Variants in RAP2A observed in about 807,000 individuals in gnomAD.
RAP2A encodes ras-related protein Rap-2a.
A neutral mutation model predicts 15.1 loss-of-function variants in RAP2A; 5 were observed. That is an observed-to-expected ratio of 0.33 (90% CI 0.17 to 0.70). The LOEUF (loss-of-function observed/expected upper bound fraction) is 0.70. Ranked by LOEUF, RAP2A falls within the 30% of genes least tolerant of loss-of-function variation. RAP2A has a pLI of 0.68. For missense variants in RAP2A, 111 were observed against 240.3 expected (o/e 0.46, Z 3.56); for synonymous variants, 110 against 99.7 (o/e 1.10, Z -0.62).
chr13:97,441,771 T>C (rs2066658632), intron 1 of RAP2A: 3 of 451,656 alleles, frequency 6.6e-6, no homozygotes, highest in African/African-American at 2.0e-5. Flanking sequence ...TTTTCAGGCC[T>C]ATGTTGTAAA....
chr13:97,456,401 G>A (rs529647545), intron 1 of RAP2A, among the ~76,000 whole-genome samples: 1 of 152,120 alleles, frequency 6.6e-6, no homozygotes, highest in African/African-American at 2.4e-5. Context: ...TGTTTTTTGT[G>A]TTTTGTCCTG....
chr13:97,461,488 G>T (rs976532100), intron 1 of RAP2A, among the ~76,000 whole-genome samples: 1 of 152,166 alleles, frequency 6.6e-6, no homozygotes, highest in Non-Finnish European at 1.5e-5. Flanking sequence ...ATGTGGAACT[G>T]TGTTTGCAAT....
chr13:97,460,364 G>T (rs2066741031), intron 1 of RAP2A, among the ~76,000 whole-genome samples: 1 of 152,174 alleles, frequency 6.6e-6, no homozygotes, highest in Non-Finnish European at 1.5e-5. Flanking sequence ...TGTCTGTTGT[G>T]ATTTTTAACT....
At chr13:97,460,038 C>T (rs773161297) in intron 1 of RAP2A, among the ~76,000 whole-genome samples, 3 of 152,188 alleles carry the variant, frequency 2.0e-5, no homozygotes, top group Non-Finnish European at 4.4e-5. Context: ...TAGTTAAAAC[C>T]ATCCCAAATA....
chr13:97,445,920 A>G lies in RAP2A; in HGVS notation c.314+11136A>G, dbSNP rs2066677557. Among the ~76,000 whole-genome samples, 4 of 152,358 alleles carry G rather than the reference A, an allele frequency of 2.6e-5. No homozygotes were observed. In the South Asian group the frequency reaches 8.3e-4, roughly 32 times the overall value. The stretch of plus-strand genomic sequence containing the variant: ...TTCCTAAGGCCACCCTGAGCACATC[A>G]TCTGGTTTTATTGAAGGAAATACTT... On this transcript the variant is annotated intron_variant, in intron 1 of 1. Transcript: ENST00000245304.
chr13:97,465,197 C>T lies in RAP2A; in HGVS notation c.*755C>T, dbSNP rs574516483. ...ATCAGAATTAAAACCCCAAACCCGC[C>T]CTCTGTTAGGGGTGGTCTTTATAAC... On this transcript the variant is annotated 3_prime_UTR_variant, in exon 2 of 2. Coordinates refer to ENST00000245304, the MANE Select transcript of RAP2A (RefSeq NM_021033.7). 6.6e-6 allele frequency: 1 copy of T among 152,490 alleles called. No homozygotes were observed. Among genetic ancestry groups the T allele is most frequent in the Non-Finnish European group, 1.5e-5 (1 of 68,034 alleles). 9.4% of individuals were successfully genotyped at this position (152,490 alleles called of 1,614,324 possible). A position where few individuals can be genotyped will look rare whatever the true frequency, so the allele number is the denominator to read the frequency against.
intron 1 of RAP2A, among the ~76,000 whole-genome samples, chr13:97,452,466 C>T (rs2066705739): frequency 1.3e-5 from 2 of 151,326 alleles, no homozygotes; most frequent in African/African-American, 4.9e-5. Flanking sequence ...GCTATTTTCT[C>T]TTTTGCATTT....
intron 1 of RAP2A, among the ~76,000 whole-genome samples, chr13:97,447,993 C>CT (rs1415899326): frequency 7.5e-6 from 1 of 132,846 alleles, no homozygotes; most frequent in Non-Finnish European, 1.6e-5. Context: ...TTTCTTTTTT[C>CT]TTTTTTTATT....
intron 1 of RAP2A, chr13:97,437,255 G>C (rs2066638003): frequency 6.6e-6 from 1 of 152,054 alleles, no homozygotes; most frequent in African/African-American, 2.4e-5. Context: ...TGTCTTCAAA[G>C]TTTGGTATGT....
intron 1 of RAP2A, among the ~76,000 whole-genome samples, chr13:97,445,786 TTG>T (rs2066677106): frequency 6.6e-6 from 1 of 152,194 alleles, no homozygotes; most frequent in Admixed American, 6.5e-5. Flanking sequence ...AGCCAGGATG[TTG>T]TATGTTTACC....
At chr13:97,439,223 A>C (rs1244044454) in intron 1 of RAP2A, among the ~76,000 whole-genome samples, 1 of 152,210 alleles carries the variant, frequency 6.6e-6, no homozygotes, top group Admixed American at 6.5e-5. Flanking sequence ...TTAGGAGTTG[A>C]TCATGTAGTC....
intron 1 of RAP2A, among the ~76,000 whole-genome samples, chr13:97,438,583 T>G (rs574154570): frequency 6.6e-6 from 1 of 152,156 alleles, no homozygotes; most frequent in Admixed American, 6.5e-5. Flanking sequence ...AATGGAACAC[T>G]AGGCATAGAT....
In RAP2A at chr13:97,434,409, C is replaced by G. The variant is rs1397822928; in HGVS notation, c.-62C>G. On this transcript the variant is annotated 5_prime_UTR_variant, in exon 1 of 2. Transcript: ENST00000245304. ...GCCGCCGGGGCCGGGGCTGGGGGCG[C>G]AGCGCGGCCGGCGTAGGTCTATGTC... 24 of 1,210,058 alleles carry G rather than the reference C, an allele frequency of 2.0e-5. No individual in the cohort carries two copies. Among genetic ancestry groups the G allele is most frequent in the Non-Finnish European group, 2.5e-5 (24 of 964,636 alleles). 75.0% of individuals were successfully genotyped at this position (1,210,058 alleles called of 1,614,324 possible).
intron 1 of RAP2A, among the ~76,000 whole-genome samples, chr13:97,447,686 A>G (rs1466344590): frequency 6.6e-6 from 1 of 152,238 alleles, no homozygotes; most frequent in Non-Finnish European, 1.5e-5. Context: ...CCTGGTGGCC[A>G]TGGACATGTT....
At position 97,434,367 on chromosome 13, in the gene RAP2A, G is replaced by A. The variant is rs2066623194; in HGVS notation, c.-104G>A. 4 of 926,874 alleles carry A rather than the reference G, an allele frequency of 4.3e-6. No homozygotes were observed. In the South Asian group the frequency reaches 1.4e-4, roughly 33 times the overall value. The allele number at this position is 926,874 out of a possible 1,614,324, so 57.4% of individuals were successfully genotyped here. A position where few individuals can be genotyped will look rare whatever the true frequency, so the allele number is the denominator to read the frequency against. ...GCGGCTGTGAGGTGGGGGCGGCAGCGGGAGGCGGCGGGGCGGGCCGCCGGG... is the reference window on the plus strand; with the variant it reads ...GCGGCTGTGAGGTGGGGGCGGCAGCAGGAGGCGGCGGGGCGGGCCGCCGGG... On this transcript the variant is annotated 5_prime_UTR_variant, in exon 1 of 2. Coordinates refer to ENST00000245304, the MANE Select transcript of RAP2A (RefSeq NM_021033.7).
chr13:97,460,927 G>C (rs1035294517), intron 1 of RAP2A, among the ~76,000 whole-genome samples: 1 of 152,040 alleles, frequency 6.6e-6, no homozygotes, highest in Non-Finnish European at 1.5e-5. Context: ...CCCTCAACTC[G>C]GTTTGCCCTC....
At chr13:97,449,031 C>CA (rs2066691213) in intron 1 of RAP2A, among the ~76,000 whole-genome samples, 1 of 152,090 alleles carries the variant, frequency 6.6e-6, no homozygotes. Flanking sequence ...GAGACTTTAG[C>CA]ATAGTAAGTT....
intron 1 of RAP2A, among the ~76,000 whole-genome samples, chr13:97,460,649 G>T (rs1165815465): frequency 6.6e-6 from 1 of 152,102 alleles, no homozygotes; most frequent in Non-Finnish European, 1.5e-5. Flanking sequence ...TTCTTAAGGA[G>T]GATCCAGATT....
rs1406288056 is a variant in RAP2A at position 97,443,895 on chromosome 13, T to C, written c.314+9111T>C. On this transcript the variant is annotated intron_variant, in intron 1 of 1. Transcript: ENST00000245304. The stretch of plus-strand genomic sequence containing the variant: ...ATTCCTTGCATTTTAATTTCCTCAT[T>C]TGTAATATGAGTATGATGTAGTAAC... 2.6e-5 allele frequency among the ~76,000 whole-genome samples: 4 copies of C among 152,358 alleles called. No homozygotes were observed. In the East Asian group the frequency reaches 7.7e-4, roughly 29 times the overall value.
Sources: gnomAD v4.1 joint callset for allele counts (sites outside exome capture counted in the v4.1 genomes callset) on GRCh38, gnomAD v4.1.1 for gene constraint, MANE v1.5 for transcripts, NCBI Gene and HGNC (gene_info 2026-07-23, HGNC 2026-07-21) for gene names.